Variants in ASPH observed in about 807,000 individuals in gnomAD.
The protein encoded by ASPH is aspartate beta-hydroxylase.
In ASPH, 100 loss-of-function variants were observed where a neutral mutation model predicts 118.4. The observed-to-expected ratio is 0.84, with a 90% CI of 0.72 to 1.00. The LOEUF (loss-of-function observed/expected upper bound fraction) is 1.00, where lower values mean the gene tolerates loss of function less well. ASPH is among the 50% of genes least tolerant of loss of function. The pLI, the probability that ASPH is intolerant of heterozygous loss-of-function variation, is 0.00. For synonymous variants in ASPH, 315 were observed against 325.6 expected, an observed-to-expected ratio of 0.97 and a Z score of 0.35; for missense variants, 920 against 919.5, an observed-to-expected ratio of 1.00 and a Z score of -0.01.
intron 18 of ASPH, 34 bp downstream of exon 18, chr8:61,562,710 A>C (rs911051945): frequency 6.5e-7 from 1 of 1,547,156 alleles, no homozygotes; most frequent in Non-Finnish European, 8.7e-7. Flanking sequence ...CTTAGAACTT[A>C]ATTTGACGTA....
chr8:61,639,949 G>T (rs1225483847), intron 10 of ASPH, among the ~76,000 whole-genome samples: 1 of 152,118 alleles, frequency 6.6e-6, no homozygotes, highest in African/African-American at 2.4e-5. Flanking sequence ...CATGCATGAA[G>T]ACCTGCCAAT....
chr8:61,546,565 A>T (rs1823946693), intron 21 of ASPH, among the ~76,000 whole-genome samples: 1 of 152,236 alleles, frequency 6.6e-6, no homozygotes, highest in East Asian at 1.9e-4. Flanking sequence ...TTAAAAAATC[A>T]ATCTGTATTA....
chr8:61,689,240 T>C (rs934376389), intron 1 of ASPH, among the ~76,000 whole-genome samples: 2 of 152,198 alleles, frequency 1.3e-5, no homozygotes, highest in Non-Finnish European at 2.9e-5. Context: ...TAGGTCACTT[T>C]CCATAAATGG....
intron 20 of ASPH, 127 bp downstream of exon 20, chr8:61,552,904 T>C (rs1447886560): frequency 2.8e-6 from 2 of 715,158 alleles, no homozygotes; most frequent in East Asian, 2.7e-5. Context: ...AGTAACTAAA[T>C]AGTTTATATC....
rs144849764 is a variant in ASPH, at chr8:61,687,292, T to C, written c.104-3104A>G. On this transcript the variant is annotated intron_variant, in intron 1 of 24. Coordinates refer to ENST00000379454, the MANE Select transcript of ASPH (RefSeq NM_004318.4). ...TTAAGTTATTGACTGTAACACTAAA[T>C]ATAAGGGAAAAGTAGACAAAATATT... 118 of 152,208 alleles carry C rather than the reference T, an allele frequency of 7.8e-4. 1 individual carries two copies. The highest frequency in any genetic ancestry group is 2.7e-3 in the African/African-American group (114 of 41,530). The allele number at this position is 152,208 out of a possible 1,614,324, so 9.4% of individuals were successfully genotyped here. A position where few individuals can be genotyped will look rare whatever the true frequency, so the allele number is the denominator to read the frequency against.
At chr8:61,518,149 A>C (rs1263775569) in intron 22 of ASPH, 26 bp from the exon 23 acceptor site, 1 of 1,593,940 alleles carries the variant, frequency 6.3e-7, no homozygotes, top group South Asian at 1.1e-5. Flanking sequence ...TAATTGTTGG[A>C]AACAAATCAC....
intron 2 of ASPH, chr8:61,682,375 A>T: frequency 2.0e-6 from 3 of 1,488,730 alleles, no homozygotes; most frequent in Non-Finnish European, 9.3e-7. Context: ...TTAAATTAGT[A>T]GAAAAAGGAT....
At chr8:61,642,087 AGAG>A (rs1163888159) in intron 10 of ASPH, among the ~76,000 whole-genome samples, 3 of 152,194 alleles carry the variant, frequency 2.0e-5, no homozygotes, top group Non-Finnish European at 4.4e-5. Flanking sequence ...CTTGGACACA[AGAG>A]GAGGGAGGTA....
At chr8:61,662,302 A>C (rs1438813514) in intron 3 of ASPH, among the ~76,000 whole-genome samples, 1 of 152,210 alleles carries the variant, frequency 6.6e-6, no homozygotes, top group Non-Finnish European at 1.5e-5. Context: ...AATTTAAATA[A>C]AATGTTGTTA....
chr8:61,664,218 G>A, intron 3 of ASPH: 1 of 967,492 alleles, frequency 1.0e-6, no homozygotes, highest in Non-Finnish European at 1.2e-6. Flanking sequence ...TTTCTAAGGT[G>A]CTAAATTCTG....
intron 16 of ASPH, among the ~76,000 whole-genome samples, chr8:61,567,612 A>T (rs1328383485): frequency 1.3e-5 from 2 of 152,210 alleles, no homozygotes; most frequent in Admixed American, 6.5e-5. Flanking sequence ...CTAACATTAT[A>T]TAGGCAGGTC....
rs1486844244 is a variant in ASPH at position 61,644,010 on chromosome 8, T to C, written c.653-9A>G. 2.5e-6 allele frequency: 4 copies of C among 1,597,918 alleles called. No homozygotes were observed. The Admixed American group carries it at 6.7e-5, about 27-fold the overall frequency. On this transcript the variant is annotated splice_polypyrimidine_tract_variant and intron_variant, in intron 7 of 24. Transcript: ENST00000379454. ...ATTACAGTCTTGTGAAACTATAAATTATGGAATAATTAGGAAATTACGTCT... is the reference window on the plus strand; with the variant it reads ...ATTACAGTCTTGTGAAACTATAAATCATGGAATAATTAGGAAATTACGTCT...
At chr8:61,693,880 C>A (rs1589258930) in intron 1 of ASPH, among the ~76,000 whole-genome samples, 2 of 152,272 alleles carry the variant, frequency 1.3e-5, no homozygotes, top group East Asian at 3.9e-4. Context: ...TATCAGTTCA[C>A]TGCGTGGACT....
At chr8:61,654,730 A>C (rs958522789) in intron 3 of ASPH, among the ~76,000 whole-genome samples, 1 of 152,188 alleles carries the variant, frequency 6.6e-6, no homozygotes, top group Non-Finnish European at 1.5e-5. Context: ...ACCCTGCCAC[A>C]TCACTTACAT....
rs563954856 is a variant in ASPH at position 61,541,978 on chromosome 8, C to A, written c.1764+6093G>T. On this transcript the variant is annotated intron_variant, in intron 21 of 24. Coordinates refer to ENST00000379454, the MANE Select transcript of ASPH (RefSeq NM_004318.4). ...TTTGACAGCAGTAGTGGGGTACTGG[C>A]AAGCAAACAGATTTTGAGGACAAGG... Among the ~76,000 whole-genome samples, 12 of 152,272 alleles carry A rather than the reference C, an allele frequency of 7.9e-5. No homozygotes were observed. The East Asian group carries it at 1.2e-3, about 15-fold the overall frequency.
intron 12 of ASPH, 57 bp downstream of exon 12, chr8:61,637,890 A>G: frequency 6.7e-7 from 1 of 1,502,310 alleles, no homozygotes; most frequent in Non-Finnish European, 9.2e-7. Context: ...AAATAACTGA[A>G]TAAACAAACA....
At chr8:61,509,937 A>G (rs2129613687) in intron 24 of ASPH, among the ~76,000 whole-genome samples, 1 of 150,332 alleles carries the variant, frequency 6.7e-6, no homozygotes, top group East Asian at 2.0e-4. Flanking sequence ...CTCCTATTTC[A>G]CTCCTCCTTC....
chr8:61,686,510 G>C (rs1339288937), intron 1 of ASPH, among the ~76,000 whole-genome samples: 1 of 152,162 alleles, frequency 6.6e-6, no homozygotes, highest in African/African-American at 2.4e-5. Flanking sequence ...AAACAGTTTT[G>C]TATGTCTAAT....
At chr8:61,701,669 A>C (rs1028416479) in intron 1 of ASPH, among the ~76,000 whole-genome samples, 5 of 152,208 alleles carry the variant, frequency 3.3e-5, no homozygotes, top group African/African-American at 1.2e-4. Flanking sequence ...AAATAATCAA[A>C]TAAATCTTAA....
Sources: allele counts gnomAD v4.1 joint callset (sites outside exome capture counted in the v4.1 genomes callset), GRCh38; gene constraint gnomAD v4.1.1; transcripts MANE v1.5; gene names NCBI Gene and HGNC (gene_info 2026-07-23, HGNC 2026-07-21).